Variants in TIPRL observed in about 807,000 individuals in gnomAD.
TIPRL encodes TIP41-like protein.
A neutral mutation model predicts 32.3 loss-of-function variants in TIPRL; 10 were observed. The ratio of observed to expected loss-of-function variants is 0.31; its 90% CI spans 0.19 to 0.52. The LOEUF (loss-of-function observed/expected upper bound fraction) is 0.52, where lower values mean the gene tolerates loss of function less well. TIPRL is among the 20% of genes least tolerant of loss of function. The probability of loss-of-function intolerance (pLI) is 0.96; values close to 1 mark genes in which losing one functional copy is unlikely to be tolerated. For missense variants in TIPRL, 250 were observed against 328.1 expected, an observed-to-expected ratio of 0.76 and a Z score of 1.84; for synonymous variants, 100 against 114.0, an observed-to-expected ratio of 0.88 and a Z score of 0.78.
chr1:168,184,689 A>G (rs1700005891), intron 2 of TIPRL, 90 bp from the exon 3 acceptor site: 1 of 807,374 alleles, frequency 1.2e-6, no homozygotes, highest in Non-Finnish European at 2.0e-6. Flanking sequence ...AGGATATGTT[A>G]TTATAGAATA....
At chr1:168,184,303 C>T (rs1395005898) in intron 2 of TIPRL, among the ~76,000 whole-genome samples, 1 of 152,188 alleles carries the variant, frequency 6.6e-6, no homozygotes, top group African/African-American at 2.4e-5. Context: ...TGAATTACAA[C>T]TGAGCTGAGC....
At chr1:168,182,096 T>C (rs1434156897) in intron 1 of TIPRL, among the ~76,000 whole-genome samples, 1 of 151,412 alleles carries the variant, frequency 6.6e-6, no homozygotes, top group Admixed American at 6.6e-5. Flanking sequence ...AAATGCCTTT[T>C]TTTATATGAC....
At chr1:168,196,768 T>A in intron 5 of TIPRL, 126 bp downstream of exon 5, 1 of 541,322 alleles carries the variant, frequency 1.8e-6, no homozygotes, top group Non-Finnish European at 3.0e-6. Context: ...CTGTTAAGTC[T>A]GAGTGTTTCA....
At chr1:168,190,205 C>A (rs530015521) in intron 3 of TIPRL, among the ~76,000 whole-genome samples, 1 of 152,128 alleles carries the variant, frequency 6.6e-6, no homozygotes, top group Non-Finnish European at 1.5e-5. Context: ...AACTCCCTTC[C>A]CCTCCCAGTT....
intron 1 of TIPRL, among the ~76,000 whole-genome samples, chr1:168,179,484 T>C (rs1029948327): frequency 6.6e-6 from 1 of 152,150 alleles, no homozygotes; most frequent in Non-Finnish European, 1.5e-5. Flanking sequence ...ACCACCTTTC[T>C]TTCTGGGTGG....
intron 5 of TIPRL, 130 bp downstream of exon 5, chr1:168,196,772 T>G (rs79725794): frequency 0.033 from 16,924 of 511,392 alleles, 342 homozygotes; most frequent in Middle Eastern, 0.046. Context: ...TAAGTCTGAG[T>G]GTTTCACATT....
At chr1:168,195,739 A>AT (rs968212692) in intron 4 of TIPRL, among the ~76,000 whole-genome samples, 15 of 151,800 alleles carry the variant, frequency 9.9e-5, no homozygotes, top group African/African-American at 3.6e-4. Context: ...TGCTTTGCTA[A>AT]TTTTTTGTAT....
chr1:168,188,983 G>A (rs112367772), intron 3 of TIPRL, among the ~76,000 whole-genome samples: 28 of 145,218 alleles, frequency 1.9e-4, no homozygotes, highest in African/African-American at 2.5e-4. Flanking sequence ...TCTGTCTCAA[G>A]AAAAAAAAAA....
chr1:168,188,397 CTG>C (rs1221390269), intron 3 of TIPRL, among the ~76,000 whole-genome samples: 1 of 152,174 alleles, frequency 6.6e-6, no homozygotes, highest in African/African-American at 2.4e-5. Context: ...CTTAGAGTCT[CTG>C]TTGCAGCAAC....
At chr1:168,186,384 T>A (rs1700028527) in intron 3 of TIPRL, among the ~76,000 whole-genome samples, 1 of 151,874 alleles carries the variant, frequency 6.6e-6, no homozygotes, top group Non-Finnish European at 1.5e-5. Context: ...TAATCCCAGC[T>A]ACTTGGGAGG....
At chr1:168,191,582 C>G (rs1700096639) in intron 4 of TIPRL, 82 bp downstream of exon 4, 1 of 1,229,280 alleles carries the variant, frequency 8.1e-7, no homozygotes, top group African/African-American at 1.6e-5. Flanking sequence ...TTGAATAACA[C>G]TGAGCCTGGC....
At chr1:168,192,307 C>T (rs891372226) in intron 4 of TIPRL, 23 of 1,048,344 alleles carry the variant, frequency 2.2e-5, no homozygotes, top group Middle Eastern at 3.6e-4. Flanking sequence ...GATCGCACCA[C>T]TGCACTCCAG....
chr1:168,195,313 T>C (rs554478829), intron 4 of TIPRL, among the ~76,000 whole-genome samples: 112 of 152,330 alleles, frequency 7.4e-4, no homozygotes, highest in Non-Finnish European at 1.6e-4. Flanking sequence ...CTCTAGCTGT[T>C]CTTTCTGTGG....
chr1:168,192,134 G>A (rs1700106599), intron 4 of TIPRL: 14 of 1,359,000 alleles, frequency 1.0e-5, no homozygotes, highest in Non-Finnish European at 1.3e-5. Context: ...AGACGGCAAG[G>A]TGGATGTCAT....
chr1:168,201,993 G>A lies in TIPRL; in HGVS notation c.*1947G>A, dbSNP rs1279255056. 5 of 151,628 alleles carry A rather than the reference G, an allele frequency of 3.3e-5. No individual in the cohort carries two copies. Among genetic ancestry groups the A allele is most frequent in the Admixed American group, 6.6e-5 (1 of 15,204 alleles). 9.4% of individuals were successfully genotyped at this position (151,628 alleles called of 1,614,324 possible). A position where few individuals can be genotyped will look rare whatever the true frequency, so the allele number is the denominator to read the frequency against. ...GAAAATTTTATTAGTTTATTCTTGTGGAGAATACCAAGAAAATGTGTATTT... is the reference window on the plus strand; with the variant it reads ...GAAAATTTTATTAGTTTATTCTTGTAGAGAATACCAAGAAAATGTGTATTT... On this transcript the variant is annotated 3_prime_UTR_variant, in exon 7 of 7. Coordinates refer to ENST00000367833, the MANE Select transcript of TIPRL (RefSeq NM_152902.5).
rs888696414 is a variant in TIPRL at position 168,184,061 on chromosome 1, T to C, written c.264T>C (p.Ala88=). ...NYQGMLKVAC[A]EEWQESRTEG... ...AAGGAATGCTTAAAGTGGCCTGTGC[T>C]GAAGAGTGGCAAGAAAGCAGGTGAG... The change falls in exon 2 of 7, where the codon GCT becomes GCC. Residue 88 remains alanine, a synonymous_variant. Transcript: ENST00000367833. The C allele has an allele frequency of 6.2e-7, 1 of 1,609,558 alleles. No homozygotes were observed. The highest frequency in any genetic ancestry group is 1.1e-5 in the South Asian group (1 of 90,764).
Position 168,200,005 on chromosome 1 carries a change from C to T in TIPRL, c.778C>T (p.Pro260Ser), listed in dbSNP as rs1700192367. The T allele has an allele frequency of 6.8e-6, 11 of 1,613,516 alleles. No individual in the cohort carries two copies. Among genetic ancestry groups the T allele is most frequent in the Non-Finnish European group, 9.3e-6 (11 of 1,179,724 alleles). ...GCTAATATTTCCAGAAAGAATTGAT[C>T]CTAACCCAGCAGACTCACAAAAAAG... ...EKLIFPERID[P>S]NPADSQKSTQ... Residue 260 changes from proline (P) to serine (S), a missense_variant, in exon 7 of 7, where the codon CCT (proline) becomes TCT (serine). Physicochemically the swap from Pro to Ser is moderately conservative, Grantham distance 74. Coordinates refer to ENST00000367833, the MANE Select transcript of TIPRL (RefSeq NM_152902.5).
At chr1:168,182,065 C>G (rs571483604) in intron 1 of TIPRL, among the ~76,000 whole-genome samples, 1 of 139,736 alleles carries the variant, frequency 7.2e-6, no homozygotes, top group Admixed American at 7.6e-5. Context: ...CTCCGTCCCC[C>G]ACCCTCCGCC....
At chr1:168,195,170 T>A (rs1027903494) in intron 4 of TIPRL, among the ~76,000 whole-genome samples, 3 of 152,210 alleles carry the variant, frequency 2.0e-5, no homozygotes, top group African/African-American at 7.2e-5. Flanking sequence ...ATCCTGTTAT[T>A]TCTTCTTTCA....
Sources: allele counts gnomAD v4.1 joint callset (sites outside exome capture counted in the v4.1 genomes callset), GRCh38; gene constraint gnomAD v4.1.1; transcripts MANE v1.5; gene names NCBI Gene and HGNC (gene_info 2026-07-23, HGNC 2026-07-21).